SLC9C2: variants seen among roughly 807,000 people sequenced by gnomAD.
SLC9C2 encodes solute carrier family 9 member C2 (putative).
A neutral mutation model predicts 140.2 loss-of-function variants in SLC9C2; 75 were observed. That is an observed-to-expected ratio of 0.53 (90% CI 0.44 to 0.65). SLC9C2 has a LOEUF of 0.65. Among genes scored for constraint, SLC9C2 ranks in the 30% least tolerant of loss-of-function variants. The pLI, the probability that SLC9C2 is intolerant of heterozygous loss-of-function variation, is 0.00. For missense variants in SLC9C2, 1,074 were observed against 1,331.8 expected (o/e 0.81, Z 3.01); for synonymous variants, 375 against 420.9 (o/e 0.89, Z 1.34).
intron 25 of SLC9C2, among the ~76,000 whole-genome samples, chr1:173,506,460 C>G (rs1354766072): frequency 6.6e-6 from 1 of 152,222 alleles, no homozygotes; most frequent in Non-Finnish European, 1.5e-5. Flanking sequence ...AATGTGTCAA[C>G]AAAGTGATGT....
chr1:173,587,433 A>G (rs1432300483), intron 5 of SLC9C2, among the ~76,000 whole-genome samples: 2 of 152,138 alleles, frequency 1.3e-5, no homozygotes, highest in Admixed American at 6.5e-5. Flanking sequence ...TTGAAAAAAA[A>G]TGAAAAACTT....
intron 6 of SLC9C2, 58 bp downstream of exon 6, chr1:173,583,448 G>T (rs1245122271): frequency 2.0e-6 from 2 of 986,870 alleles, no homozygotes; most frequent in East Asian, 4.8e-5. Context: ...ACATTTGAAT[G>T]TATTTTAATT....
intron 23 of SLC9C2, among the ~76,000 whole-genome samples, chr1:173,512,528 C>T (rs1402345221): frequency 1.3e-5 from 2 of 152,174 alleles, no homozygotes; most frequent in Non-Finnish European, 1.5e-5. Flanking sequence ...GCTGAACTTG[C>T]TTATCAGCTT....
At chr1:173,531,734 G>T (rs10399838) in intron 17 of SLC9C2, among the ~76,000 whole-genome samples, 52,853 of 152,008 alleles carry the variant, frequency 0.35, 11,394 homozygotes, top group East Asian at 0.64. Flanking sequence ...CCAGCCCATA[G>T]AGCTGTCACT....
In SLC9C2 at chr1:173,587,671, T is replaced by C. The variant is rs747154041; in HGVS notation, c.517A>G (p.Thr173Ala). 13 of 1,609,358 alleles carry C rather than the reference T, an allele frequency of 8.1e-6. No homozygotes were observed. The highest frequency in any genetic ancestry group is 1.1e-5 in the Non-Finnish European group (13 of 1,177,568). Reference sequence around the variant, plus strand: ...AGAAATAAATGTGACATACCAATAGTTTTTAGTGAATTCACAGAACGAAGA... The same window carrying C: ...AGAAATAAATGTGACATACCAATAGCTTTTAGTGAATTCACAGAACGAAGA... Reference protein sequence around the residue: ...DPLRSVNSLKTIGISKIYIDL... With the variant: ...DPLRSVNSLKAIGISKIYIDL... Residue 173 changes from threonine to alanine, a missense_variant, in exon 5 of 28, where the codon ACT becomes GCT. Coordinates refer to ENST00000367714, the MANE Select transcript of SLC9C2 (RefSeq NM_178527.4).
intron 18 of SLC9C2, among the ~76,000 whole-genome samples, chr1:173,527,201 T>C (rs1661264006): frequency 1.3e-5 from 2 of 152,166 alleles, no homozygotes; most frequent in African/African-American, 4.8e-5. Flanking sequence ...TTTCACCTAG[T>C]TTTAGAAAAG....
intron 13 of SLC9C2, among the ~76,000 whole-genome samples, chr1:173,544,389 A>C (rs994006771): frequency 3.9e-5 from 6 of 152,222 alleles, no homozygotes; most frequent in African/African-American, 7.2e-5. Context: ...GAGAATTAGG[A>C]ATGCTCTTAC....
intron 4 of SLC9C2, chr1:173,596,742 A>G (rs763484884): frequency 7.2e-5 from 11 of 152,132 alleles, no homozygotes; most frequent in Non-Finnish European, 1.3e-4. Context: ...TTGAAAACAA[A>G]AGGATGGAAA....
At chr1:173,566,782 G>GTT (rs201850319) in intron 9 of SLC9C2, among the ~76,000 whole-genome samples, 68 of 142,432 alleles carry the variant, frequency 4.8e-4, no homozygotes, top group East Asian at 4.2e-3. Flanking sequence ...TTTGCTTGGA[G>GTT]TTTTTTTTTT....
chr1:173,568,894 C>A (rs535956748), intron 9 of SLC9C2, among the ~76,000 whole-genome samples: 7 of 152,260 alleles, frequency 4.6e-5, no homozygotes, highest in African/African-American at 1.7e-4. Flanking sequence ...CCTACTATTA[C>A]CAGTGAGTTT....
At chr1:173,549,523 G>T (rs1558056038) in intron 11 of SLC9C2, among the ~76,000 whole-genome samples, 2 of 152,190 alleles carry the variant, frequency 1.3e-5, no homozygotes, top group African/African-American at 4.8e-5. Context: ...GAAATATGAA[G>T]GCATGTAGGC....
intron 11 of SLC9C2, among the ~76,000 whole-genome samples, chr1:173,549,809 T>C (rs1362176297): frequency 6.6e-6 from 1 of 151,730 alleles, no homozygotes; most frequent in East Asian, 1.9e-4. Context: ...GTTAATACAA[T>C]CAAAAATTTA....
At chr1:173,518,585 C>T (rs12091134) in intron 22 of SLC9C2, among the ~76,000 whole-genome samples, 8,313 of 152,068 alleles carry the variant, frequency 0.055, 763 homozygotes, top group African/African-American at 0.19. Context: ...GAGAAAGAAC[C>T]GCGGTATCAG....
Position 173,536,956 on chromosome 1 carries a change from G to T in SLC9C2, c.1641C>A (p.Tyr547Ter). Residue 547 changes from tyrosine to a stop codon, truncating the protein, a stop_gained, in exon 14 of 28, where the codon TAC becomes TAA. Coordinates refer to ENST00000367714, the MANE Select transcript of SLC9C2 (RefSeq NM_178527.4). LOFTEE classifies it high-confidence loss of function. ...GTTATACTTACTTTCCTTGGATGGA[G>T]TAATAGCATTTTGCTGCACCAATTA... Reference protein sequence around the residue: ...RILIGAAKCYYSIQGKFMSIY... With the variant: ...RILIGAAKCY 5 of 1,612,812 alleles carry T rather than the reference G, an allele frequency of 3.1e-6. No individual in the cohort carries two copies. The highest frequency in any genetic ancestry group is 4.2e-6 in the Non-Finnish European group (5 of 1,179,022).
chr1:173,540,953 G>A (rs1169976564), intron 13 of SLC9C2, among the ~76,000 whole-genome samples: 1 of 151,986 alleles, frequency 6.6e-6, no homozygotes, highest in African/African-American at 2.4e-5. Flanking sequence ...TCAACTAAAG[G>A]GCAAATTAAC....
At chr1:173,541,461 G>C (rs1015700186) in intron 13 of SLC9C2, among the ~76,000 whole-genome samples, 3 of 152,064 alleles carry the variant, frequency 2.0e-5, no homozygotes, top group Admixed American at 2.0e-4. Flanking sequence ...AAGACAGAAG[G>C]TTAACAAGGA....
chr1:173,524,190 G>A (rs1165331721), intron 20 of SLC9C2, 96 bp from the exon 21 acceptor site: 2 of 1,188,142 alleles, frequency 1.7e-6, no homozygotes, highest in South Asian at 1.6e-5. Context: ...CTACTGTTAG[G>A]CAAGTTTAAC....
At chr1:173,577,116 T>C (rs1226684008) in intron 7 of SLC9C2, among the ~76,000 whole-genome samples, 1 of 152,222 alleles carries the variant, frequency 6.6e-6, no homozygotes, top group African/African-American at 2.4e-5. Context: ...TGCCACAAAA[T>C]ATTCTTCTTT....
chr1:173,545,909 T>C lies in SLC9C2; in HGVS notation c.1557+1780A>G, dbSNP rs138430967. ...TTGCCTCAGTTTTCCTCTAGGTGGC[T>C]TCTCATTCTTCAGAGACTGCTTCTT... On this transcript the variant is annotated intron_variant, in intron 13 of 27. Coordinates refer to ENST00000367714, the MANE Select transcript of SLC9C2 (RefSeq NM_178527.4). Among the ~76,000 whole-genome samples, 1,005 of 152,274 alleles carry C rather than the reference T, an allele frequency of 6.6e-3. 6 individuals are homozygous for C. Among genetic ancestry groups the C allele is most frequent in the African/African-American group, 0.022 (903 of 41,562 alleles).
Sources: gnomAD v4.1 joint callset for allele counts (sites outside exome capture counted in the v4.1 genomes callset) on GRCh38, gnomAD v4.1.1 for gene constraint, MANE v1.5 for transcripts, NCBI Gene and HGNC (gene_info 2026-07-23, HGNC 2026-07-21) for gene names.